Variants in RFTN2 observed in about 807,000 individuals in gnomAD.
RFTN2 encodes raftlin-2.
A neutral mutation model predicts 52.7 loss-of-function variants in RFTN2; 34 were observed. The observed-to-expected ratio is 0.64, with a 90% CI of 0.49 to 0.86. The LOEUF (loss-of-function observed/expected upper bound fraction) is 0.86. RFTN2 is among the 40% of genes least tolerant of loss of function. The pLI is 0.00. For synonymous variants in RFTN2, 203 were observed against 217.7 expected, an observed-to-expected ratio of 0.93 and a Z score of 0.59; for missense variants, 536 against 600.1, an observed-to-expected ratio of 0.89 and a Z score of 1.12.
intron 5 of RFTN2, among the ~76,000 whole-genome samples, chr2:197,618,983 C>T (rs1347071318): frequency 2.9e-4 from 44 of 151,372 alleles, no homozygotes; most frequent in Non-Finnish European, 5.3e-4. Context: ...CCCGGCCAGC[C>T]GCCCCATCCG....
intron 8 of RFTN2, among the ~76,000 whole-genome samples, chr2:197,578,574 AC>A (rs1168607139): frequency 6.6e-6 from 1 of 151,816 alleles, no homozygotes; most frequent in African/African-American, 2.4e-5. Context: ...GCACCTTGTG[AC>A]CCCCAGCCCT....
intron 8 of RFTN2, among the ~76,000 whole-genome samples, chr2:197,585,970 C>G (rs1464513287): frequency 2.0e-5 from 3 of 152,192 alleles, no homozygotes; most frequent in Non-Finnish European, 4.4e-5. Flanking sequence ...TCAGCAAAGA[C>G]CCACTGGAAT....
chr2:197,662,458 TTC>T (rs2088990391), intron 1 of RFTN2, among the ~76,000 whole-genome samples: 2 of 152,236 alleles, frequency 1.3e-5, no homozygotes, highest in African/African-American at 4.8e-5. Flanking sequence ...GGGTTCTGTA[TTC>T]TGTTCCATTG....
At chr2:197,668,306 C>T (rs1358223722) in intron 1 of RFTN2, among the ~76,000 whole-genome samples, 1 of 152,116 alleles carries the variant, frequency 6.6e-6, no homozygotes, top group African/African-American at 2.4e-5. Context: ...CATGAGCAGG[C>T]ACCAGTCATG....
intron 8 of RFTN2, among the ~76,000 whole-genome samples, chr2:197,595,193 G>T (rs2087776761): frequency 6.6e-6 from 1 of 152,184 alleles, no homozygotes; most frequent in Non-Finnish European, 1.5e-5. Context: ...TAACATAAAA[G>T]AAAAGTGTTG....
At chr2:197,574,166 G>A (rs917173829) in intron 8 of RFTN2, among the ~76,000 whole-genome samples, 5 of 152,204 alleles carry the variant, frequency 3.3e-5, no homozygotes, top group Admixed American at 1.3e-4. Context: ...TCCACTGACA[G>A]CTTGCACTGT....
rs1406486326 is a variant in RFTN2, at chr2:197,639,137, G to C, written c.438+5021C>G. Among the ~76,000 whole-genome samples the C allele has an allele frequency of 8.1e-4, 117 of 144,250 alleles. 2 individuals are homozygous for C. Among genetic ancestry groups the C allele is most frequent in the Non-Finnish European group, 2.6e-4 (17 of 66,082 alleles). The allele number at this position is 144,250 out of a possible 152,430, so 94.6% of individuals were successfully genotyped here. On this transcript the variant is annotated intron_variant, in intron 3 of 8. Transcript: ENST00000295049. ...GTTAGTCTGATGGGCTTCCCTTTGA[G>C]GGTAACCTGACCTTTCTCTCTGGCT...
chr2:197,591,105 C>T (rs1023551108), intron 8 of RFTN2, among the ~76,000 whole-genome samples: 2 of 152,208 alleles, frequency 1.3e-5, no homozygotes, highest in African/African-American at 4.8e-5. Flanking sequence ...GGTGAGTTTA[C>T]AATCCCTGAG....
At chr2:197,616,073 G>A in intron 6 of RFTN2, 94 bp from the exon 7 acceptor site, 1 of 695,194 alleles carries the variant, frequency 1.4e-6, no homozygotes, top group Non-Finnish European at 2.5e-6. Context: ...GATGAGGGGA[G>A]TTCACTTTCA....
chr2:197,587,338 A>G (rs1319523727), intron 8 of RFTN2, among the ~76,000 whole-genome samples: 1 of 152,064 alleles, frequency 6.6e-6, no homozygotes, highest in East Asian at 1.9e-4. Flanking sequence ...TATTTTTCTT[A>G]TTAATATAAG....
chr2:197,642,130 T>G (rs1246738392), intron 3 of RFTN2, among the ~76,000 whole-genome samples: 1 of 152,204 alleles, frequency 6.6e-6, no homozygotes, highest in Non-Finnish European at 1.5e-5. Flanking sequence ...TATTGAATAG[T>G]GACTTTGTGC....
At chr2:197,636,083 T>C (rs574656602) in intron 3 of RFTN2, among the ~76,000 whole-genome samples, 2,108 of 151,602 alleles carry the variant, frequency 0.014, 55 homozygotes, top group African/African-American at 0.048. Flanking sequence ...CTCTGTTCTG[T>C]TCCATTGATC....
At chr2:197,589,632 T>G (rs185343171) in intron 8 of RFTN2, among the ~76,000 whole-genome samples, 1 of 152,336 alleles carries the variant, frequency 6.6e-6, no homozygotes, top group Non-Finnish European at 1.5e-5. Flanking sequence ...CATCTTTTCA[T>G]GTATTTACTT....
intron 5 of RFTN2, among the ~76,000 whole-genome samples, chr2:197,629,731 A>ATTTTATTTTT (rs1553602937): frequency 7.5e-5 from 11 of 146,986 alleles, no homozygotes; most frequent in African/African-American, 2.5e-4. Context: ...ATTTTATTTT[A>ATTTTATTTTT]TTTTTTTTTG....
chr2:197,669,035 T>C (rs975145496), intron 1 of RFTN2, among the ~76,000 whole-genome samples: 16 of 152,236 alleles, frequency 1.1e-4, no homozygotes, highest in African/African-American at 3.9e-4. Flanking sequence ...AGATATTTCT[T>C]GTCACTTTTC....
intron 7 of RFTN2, among the ~76,000 whole-genome samples, chr2:197,606,092 T>A (rs1292413457): frequency 1.3e-5 from 2 of 152,188 alleles, no homozygotes; most frequent in Admixed American, 6.5e-5. Flanking sequence ...CTGTGTGGCC[T>A]TTTGGAGGGC....
intron 4 of RFTN2, among the ~76,000 whole-genome samples, chr2:197,631,724 T>C (rs1274427340): frequency 6.6e-6 from 1 of 152,208 alleles, no homozygotes; most frequent in East Asian, 1.9e-4. Context: ...TTTTCTGTTA[T>C]TACCAACTTT....
intron 8 of RFTN2, among the ~76,000 whole-genome samples, chr2:197,590,674 G>T (rs1317246190): frequency 6.6e-6 from 1 of 152,144 alleles, no homozygotes; most frequent in East Asian, 1.9e-4. Context: ...GATGTGTTCG[G>T]AGTTTCTTCC....
chr2:197,599,755 C>T (rs1336535184), intron 7 of RFTN2, among the ~76,000 whole-genome samples: 1 of 152,194 alleles, frequency 6.6e-6, no homozygotes, highest in Non-Finnish European at 1.5e-5. Flanking sequence ...TCCACAGCTA[C>T]TTCAGTGAGG....
Sources: gnomAD v4.1 joint callset for allele counts (sites outside exome capture counted in the v4.1 genomes callset) on GRCh38, gnomAD v4.1.1 for gene constraint, MANE v1.5 for transcripts, NCBI Gene and HGNC (gene_info 2026-07-23, HGNC 2026-07-21) for gene names.